RNF125: variants seen among roughly 807,000 people sequenced by gnomAD.
The protein encoded by RNF125 is E3 ubiquitin-protein ligase RNF125.
A neutral mutation model predicts 26.0 loss-of-function variants in RNF125; 21 were observed. The observed-to-expected ratio is 0.81, with a 90% confidence interval of 0.57 to 1.16. The LOEUF (loss-of-function observed/expected upper bound fraction) is 1.16, where lower values mean the gene tolerates loss of function less well. RNF125 is among the 50% of genes most tolerant of loss of function. The pLI is 0.00. For missense variants in RNF125, 270 were observed against 299.4 expected (o/e 0.90, Z 0.72); for synonymous variants, 95 against 109.2 (o/e 0.87, Z 0.81).
downstream of RNF125, among the ~76,000 whole-genome samples, chr18:32,078,170 C>A (rs2039582287): frequency 6.6e-6 from 1 of 152,176 alleles, no homozygotes; most frequent in Admixed American, 6.6e-5. Flanking sequence ...TATGGTGAAA[C>A]TGGCATATTG....
chr18:32,055,203 G>A (rs565296189), intron 4 of RNF125, among the ~76,000 whole-genome samples: 2 of 151,798 alleles, frequency 1.3e-5, no homozygotes, highest in South Asian at 4.2e-4. Context: ...GGAGGCTCAG[G>A]TGGGAGGATC....
rs920799141 is a variant in RNF125 at position 32,068,904 on chromosome 18, A to G, written c.*520A>G. 1 of 152,614 alleles carries G rather than the reference A, an allele frequency of 6.6e-6. No homozygotes were observed. The highest frequency in any genetic ancestry group is 2.4e-5 in the African/African-American group (1 of 41,454). 9.5% of individuals were successfully genotyped at this position (152,614 alleles called of 1,614,324 possible). ...AAAGGAAAATTTTGGAAGTCAAGAA[A>G]GTCCATTTAGGCCGGACGCGGTGGC... On this transcript the variant is annotated 3_prime_UTR_variant, in exon 6 of 6. Transcript: ENST00000217740.
chr18:32,077,509 G>C (rs1408953611), downstream of RNF125, among the ~76,000 whole-genome samples: 1 of 150,444 alleles, frequency 6.6e-6, no homozygotes, highest in Non-Finnish European at 1.5e-5. Flanking sequence ...TTACAGGCAT[G>C]TATCACTACG....
chr18:32,046,611 A>AT (rs1262729688), intron 4 of RNF125, among the ~76,000 whole-genome samples: 1 of 151,804 alleles, frequency 6.6e-6, no homozygotes, highest in Middle Eastern at 3.2e-3. Flanking sequence ...AAAAAAAAAA[A>AT]AAAAATGCAA....
intron 3 of RNF125, among the ~76,000 whole-genome samples, chr18:32,044,667 A>T (rs2039251152): frequency 6.6e-6 from 1 of 152,120 alleles, no homozygotes; most frequent in Non-Finnish European, 1.5e-5. Flanking sequence ...ATTAACTGAG[A>T]AACTGAGTAT....
Position 32,050,916 on chromosome 18 carries a change from A to G in RNF125, c.504+5184A>G, listed in dbSNP as rs993939790. 2.0e-4 allele frequency among the ~76,000 whole-genome samples: 18 copies of G among 90,760 alleles called. No homozygotes were observed. The Admixed American group carries it at 3.3e-3, about 16-fold the overall frequency. 59.5% of individuals were successfully genotyped at this position (90,760 alleles called of 152,430 possible). A position where few individuals can be genotyped will look rare whatever the true frequency, so the allele number is the denominator to read the frequency against. ...TTTTTTTTTGAAGAGACGGTGTTTC[A>G]TCATCATGTTGCCCAGGCTGAGTCT... On this transcript the variant is annotated intron_variant, in intron 4 of 5. Transcript: ENST00000217740.
At chr18:32,030,373 C>T (rs2039081072) in intron 1 of RNF125, among the ~76,000 whole-genome samples, 1 of 152,164 alleles carries the variant, frequency 6.6e-6, no homozygotes, top group Non-Finnish European at 1.5e-5. Context: ...GAAAATGAAA[C>T]TCTGTTTAGG....
At chr18:32,019,629 C>A (rs2038966698) in intron 1 of RNF125, among the ~76,000 whole-genome samples, 1 of 152,102 alleles carries the variant, frequency 6.6e-6, no homozygotes, top group African/African-American at 2.4e-5. Flanking sequence ...ACACCCAGCC[C>A]CTCAAAGGGC....
At chr18:32,060,341 C>T (rs746334724) in intron 4 of RNF125, among the ~76,000 whole-genome samples, 12 of 152,110 alleles carry the variant, frequency 7.9e-5, no homozygotes, top group Non-Finnish European at 1.3e-4. Flanking sequence ...GTCATTGTTG[C>T]GGGTGGGTTG....
intron 1 of RNF125, among the ~76,000 whole-genome samples, chr18:32,025,664 CAAAAA>C (rs34054474): frequency 1.1e-3 from 69 of 65,172 alleles, no homozygotes; most frequent in African/African-American, 2.4e-3. Flanking sequence ...AACTCTGTCT[CAAAAA>C]AAAAAAAAAA....
intron 4 of RNF125, among the ~76,000 whole-genome samples, chr18:32,060,208 A>G (rs1227425980): frequency 6.6e-6 from 1 of 152,226 alleles, no homozygotes; most frequent in Non-Finnish European, 1.5e-5. Flanking sequence ...AACTGAAGGC[A>G]TCAGTAGGAT....
intron 1 of RNF125, among the ~76,000 whole-genome samples, chr18:32,026,242 C>CTTTTTTTTTTTT (rs1181390375): frequency 2.7e-5 from 2 of 73,144 alleles, no homozygotes; most frequent in Admixed American, 1.7e-4. Context: ...AGCACCCGGT[C>CTTTTTTTTTTTT]TTTTTTTTTT....
chr18:32,080,924 C>G, the RNF125 span, among the ~76,000 whole-genome samples: 1 of 152,044 alleles, frequency 6.6e-6, no homozygotes, highest in African/African-American at 2.4e-5. Context: ...CGGTGGTTTA[C>G]GCCTGTAATC....
Position 32,069,601 on chromosome 18 carries a change from C to T in RNF125, c.*1217C>T, listed in dbSNP as rs2039515461. The T allele has an allele frequency of 1.3e-5, 2 of 152,130 alleles. No homozygotes were observed. Among genetic ancestry groups the T allele is most frequent in the African/African-American group, 4.8e-5 (2 of 41,436 alleles). 9.4% of individuals were successfully genotyped at this position (152,130 alleles called of 1,614,324 possible). A position where few individuals can be genotyped will look rare whatever the true frequency, so the allele number is the denominator to read the frequency against. The stretch of plus-strand genomic sequence containing the variant: ...GTCACCCCACGTGTCCTTTTTGTGT[C>T]CTGTCACAATTACAACCCCACAAAA... On this transcript the variant is annotated 3_prime_UTR_variant, in exon 6 of 6. Transcript: ENST00000217740.
At chr18:32,065,797 C>T (rs774292890) in intron 4 of RNF125, 105 bp from the exon 5 acceptor site, 4 of 753,242 alleles carry the variant, frequency 5.3e-6, no homozygotes, top group African/African-American at 1.8e-5. Flanking sequence ...TCCCAAAGTA[C>T]TGGGATTACA....
intron 4 of RNF125, among the ~76,000 whole-genome samples, chr18:32,051,853 C>T (rs1418070132): frequency 6.6e-6 from 1 of 151,672 alleles, no homozygotes; most frequent in African/African-American, 2.4e-5. Flanking sequence ...CTGCACCCAG[C>T]TAATTTTTGC....
intron 1 of RNF125, among the ~76,000 whole-genome samples, chr18:32,033,683 G>A (rs1170483198): frequency 6.6e-6 from 1 of 151,984 alleles, no homozygotes; most frequent in Non-Finnish European, 1.5e-5. Context: ...GCTGGGCGTG[G>A]TGGCGCATGC....
intron 4 of RNF125, among the ~76,000 whole-genome samples, chr18:32,047,932 C>T (rs1286308543): frequency 6.6e-6 from 1 of 152,174 alleles, no homozygotes; most frequent in African/African-American, 2.4e-5. Context: ...CGAGACCAGC[C>T]TGGCCAACAC....
chr18:32,063,051 CTT>C (rs916090245), intron 4 of RNF125, among the ~76,000 whole-genome samples: 30 of 151,878 alleles, frequency 2.0e-4, no homozygotes, highest in African/African-American at 7.0e-4. Context: ...GAAACCCTGT[CTT>C]TACTAAAAAT....
Sources: gnomAD v4.1 joint callset for allele counts (sites outside exome capture counted in the v4.1 genomes callset) on GRCh38, gnomAD v4.1.1 for gene constraint, MANE v1.5 for transcripts, NCBI Gene and HGNC (gene_info 2026-07-23, HGNC 2026-07-21) for gene names.